The following KLHL1 variants were observed in gnomAD, a reference collection of about 807,000 sequenced individuals.
The protein encoded by KLHL1 is kelch-like protein 1.
A neutral mutation model predicts 77.7 loss-of-function variants in KLHL1; 47 were observed. The ratio of observed to expected loss-of-function variants is 0.60; its 90% confidence interval spans 0.48 to 0.77. KLHL1 has a LOEUF of 0.77. Ranked by LOEUF, KLHL1 falls within the 30% of genes least tolerant of loss-of-function variation. KLHL1 has a pLI of 0.00. For missense variants in KLHL1, 925 were observed against 910.8 expected, an observed-to-expected ratio of 1.02 and a Z score of -0.20; for synonymous variants, 360 against 325.2, an observed-to-expected ratio of 1.11 and a Z score of -1.15.
intron 1 of KLHL1, among the ~76,000 whole-genome samples, chr13:70,033,694 A>G (rs1304717943): frequency 7.8e-6 from 1 of 128,030 alleles, no homozygotes; most frequent in African/African-American, 3.1e-5. Context: ...ATCTTGACTC[A>G]CTGCAGCCTC....
chr13:69,999,021 G>C (rs1356309739), intron 1 of KLHL1, among the ~76,000 whole-genome samples: 4 of 151,902 alleles, frequency 2.6e-5, no homozygotes. Context: ...TTTCAACATA[G>C]GCTTCCTGAA....
At chr13:69,782,034 C>T (rs1172006810) in intron 7 of KLHL1, among the ~76,000 whole-genome samples, 1 of 152,160 alleles carries the variant, frequency 6.6e-6, no homozygotes, top group East Asian at 1.9e-4. Context: ...TTTCTTTTCT[C>T]TCTTTTGATA....
chr13:69,806,860 A>G (rs1363505323), intron 6 of KLHL1, among the ~76,000 whole-genome samples: 2 of 152,144 alleles, frequency 1.3e-5, no homozygotes, highest in African/African-American at 4.8e-5. Flanking sequence ...TGATCCAAGG[A>G]GGAACAGGGG....
chr13:69,785,323 A>G (rs1294058451), intron 7 of KLHL1, among the ~76,000 whole-genome samples: 2 of 152,206 alleles, frequency 1.3e-5, no homozygotes, highest in African/African-American at 2.4e-5. Context: ...CCACAGTGCA[A>G]TCAAACTAGA....
chr13:69,737,681 G>C (rs889588728), intron 8 of KLHL1, among the ~76,000 whole-genome samples: 2 of 152,160 alleles, frequency 1.3e-5, no homozygotes, highest in African/African-American at 4.8e-5. Flanking sequence ...ACTAGAGGGG[G>C]CCTCCCCATG....
intron 1 of KLHL1, among the ~76,000 whole-genome samples, chr13:70,104,359 T>G (rs1887995614): frequency 6.6e-6 from 1 of 152,136 alleles, no homozygotes; most frequent in African/African-American, 2.4e-5. Context: ...GGCCCTAAAT[T>G]GGTTTACCAC....
chr13:70,055,557 G>A (rs985558430), intron 1 of KLHL1, among the ~76,000 whole-genome samples: 4 of 151,998 alleles, frequency 2.6e-5, no homozygotes, highest in Middle Eastern at 3.2e-3. Context: ...TAGTAATATC[G>A]TGAGTAGAAA....
At chr13:70,052,483 C>T (rs1291652109) in intron 1 of KLHL1, among the ~76,000 whole-genome samples, 4 of 151,654 alleles carry the variant, frequency 2.6e-5, no homozygotes, top group Non-Finnish European at 5.9e-5. Context: ...TTTTATCTTC[C>T]AAATTTAGAA....
At chr13:70,101,140 A>G (rs1887912024) in intron 1 of KLHL1, among the ~76,000 whole-genome samples, 1 of 152,202 alleles carries the variant, frequency 6.6e-6, no homozygotes, top group Non-Finnish European at 1.5e-5. Flanking sequence ...TTAGCCAGAT[A>G]CCAATTTTGA....
intron 7 of KLHL1, among the ~76,000 whole-genome samples, chr13:69,786,168 T>G (rs1399572334): frequency 6.6e-6 from 1 of 152,000 alleles, no homozygotes; most frequent in Non-Finnish European, 1.5e-5. Context: ...GAGGCCAGCA[T>G]CATCCTGATA....
At chr13:69,921,510 TC>T (rs796483847) in intron 4 of KLHL1, among the ~76,000 whole-genome samples, 4 of 152,296 alleles carry the variant, frequency 2.6e-5, no homozygotes, top group Admixed American at 1.3e-4. Context: ...ATGCAATCAA[TC>T]TTTCTTTACA....
At chr13:69,816,264 C>CTT (rs1219634338) in intron 6 of KLHL1, among the ~76,000 whole-genome samples, 3 of 137,722 alleles carry the variant, frequency 2.2e-5, no homozygotes, top group East Asian at 2.1e-4. Flanking sequence ...AATTTTTTTT[C>CTT]TTTTTTTTTT....
At chr13:69,798,002 A>C (rs554811019) in intron 6 of KLHL1, among the ~76,000 whole-genome samples, 13 of 152,310 alleles carry the variant, frequency 8.5e-5, no homozygotes, top group African/African-American at 3.1e-4. Context: ...AAATTGAAAG[A>C]AGCAGCTAAA....
intron 4 of KLHL1, among the ~76,000 whole-genome samples, chr13:69,916,342 A>G (rs1229532281): frequency 6.6e-6 from 1 of 152,100 alleles, no homozygotes; most frequent in Non-Finnish European, 1.5e-5. Flanking sequence ...AACCAACCCA[A>G]ATGTCCAACA....
chr13:69,786,514 A>G (rs1054681201), intron 7 of KLHL1, among the ~76,000 whole-genome samples: 9 of 152,182 alleles, frequency 5.9e-5, no homozygotes, highest in African/African-American at 1.4e-4. Context: ...TCTCAAAATA[A>G]TAAGGGCTAT....
intron 1 of KLHL1, among the ~76,000 whole-genome samples, chr13:70,080,787 A>G (rs1426836904): frequency 6.6e-6 from 1 of 151,912 alleles, no homozygotes; most frequent in African/African-American, 2.4e-5. Flanking sequence ...TAGTAGAGAC[A>G]GGGTTTTGCC....
At chr13:70,094,393 T>TTATACATATATATATATATATATA (rs1555296828) in intron 1 of KLHL1, among the ~76,000 whole-genome samples, 1 of 137,148 alleles carries the variant, frequency 7.3e-6, no homozygotes, top group African/African-American at 3.2e-5. Context: ...GCAATCATCT[T>TTATACATATATATATATATATATA]TATATATATA....
chr13:69,979,582 C>T (rs1884649841), intron 1 of KLHL1, among the ~76,000 whole-genome samples: 1 of 152,000 alleles, frequency 6.6e-6, no homozygotes, highest in African/African-American at 2.4e-5. Context: ...AAAAACCAGG[C>T]ATTGGATTAC....
At chr13:70,097,157 T>C (rs1433925737) in intron 1 of KLHL1, among the ~76,000 whole-genome samples, 2 of 152,086 alleles carry the variant, frequency 1.3e-5, no homozygotes, top group East Asian at 3.9e-4. Context: ...TTAGTAAAAA[T>C]CTTAACATGA....
Sources: allele counts gnomAD v4.1 joint callset (sites outside exome capture counted in the v4.1 genomes callset), GRCh38; gene constraint gnomAD v4.1.1; transcripts MANE v1.5; gene names NCBI Gene and HGNC (gene_info 2026-07-23, HGNC 2026-07-21).